The following LMX1B variants were observed in gnomAD, a reference collection of about 807,000 sequenced individuals.
The protein encoded by LMX1B is LIM homeobox transcription factor 1-beta.
In LMX1B, 12 loss-of-function variants were observed where a neutral mutation model predicts 51.4. The observed-to-expected ratio is 0.23, with a 90% CI of 0.15 to 0.38. The LOEUF (loss-of-function observed/expected upper bound fraction) is 0.38. Among genes scored for constraint, LMX1B ranks in the 10% least tolerant of loss-of-function variants. The pLI is 1.00. For synonymous variants in LMX1B, 237 were observed against 235.4 expected (o/e 1.01, Z -0.06); for missense variants, 445 against 571.1 (o/e 0.78, Z 2.25).
Position 126,641,746 on chromosome 9 carries a change from A to T in LMX1B, c.326+26177A>T, listed in dbSNP as rs937319875. Among the ~76,000 whole-genome samples, 1 of 152,028 alleles carries T rather than the reference A, an allele frequency of 6.6e-6. No homozygotes were observed. Among genetic ancestry groups the T allele is most frequent in the Admixed American group, 6.5e-5 (1 of 15,272 alleles). On this transcript the variant is annotated intron_variant, in intron 2 of 7. Transcript: ENST00000373474. The surrounding 1 kb of genome is among the most constrained non-coding windows in gnomAD (Gnocchi z 4.1). ...CCTCCTCCTGGGGGATTCCAGTCTC[A>T]CCATCTCTCCCAGGTTTCTGCTGGA...
chr9:126,622,427 T>C (rs946382311), intron 2 of LMX1B, among the ~76,000 whole-genome samples: 1 of 152,046 alleles, frequency 6.6e-6, no homozygotes, highest in Non-Finnish European at 1.5e-5. Flanking sequence ...CTGGCAGGAA[T>C]GAGGAGGCCA....
At chr9:126,694,130 G>C (rs2030246713) in intron 6 of LMX1B, among the ~76,000 whole-genome samples, 1 of 152,170 alleles carries the variant, frequency 6.6e-6, no homozygotes, top group East Asian at 1.9e-4. Flanking sequence ...GCTGCCTGGA[G>C]GGTTGGCAGA....
rs116680838 is a variant in LMX1B, at chr9:126,663,597, G to A, written c.327-27239G>A. On this transcript the variant is annotated intron_variant, in intron 2 of 7. Transcript: ENST00000373474. Reference sequence around the variant, plus strand: ...ATAGTAACCCTTGTCTCTAAAATGAGATAAACACATACGATGTTTGGAGTA... The same window carrying A: ...ATAGTAACCCTTGTCTCTAAAATGAAATAAACACATACGATGTTTGGAGTA... Among the ~76,000 whole-genome samples, 381 of 152,322 alleles carry A rather than the reference G, an allele frequency of 2.5e-3. 1 individual carries two copies. Among genetic ancestry groups the A allele is most frequent in the African/African-American group, 8.9e-3 (370 of 41,562 alleles).
In LMX1B at chr9:126,618,062, C is replaced by A. The variant is rs1470206997; in HGVS notation, c.326+2493C>A. 6.6e-6 allele frequency among the ~76,000 whole-genome samples: 1 copy of A among 151,944 alleles called. No homozygotes were observed. The highest frequency in any genetic ancestry group is 1.5e-5 in the Non-Finnish European group (1 of 67,966). ...TTTTTTTATTCACATTTCTTTTTTT[C>A]TTTGAGAATTGCAGATGCATATTTA... On this transcript the variant is annotated intron_variant, in intron 2 of 7. Coordinates refer to ENST00000373474, the MANE Select transcript of LMX1B (RefSeq NM_001174147.2). This position sits in a 1 kb window ranked among gnomAD's most constrained non-coding sequence, Gnocchi z 4.5.
intron 2 of LMX1B, among the ~76,000 whole-genome samples, chr9:126,647,365 C>T (rs1835921476): frequency 6.6e-6 from 1 of 152,224 alleles, no homozygotes; most frequent in South Asian, 2.1e-4. Flanking sequence ...GACACATTTA[C>T]ATTCTGTTCT....
chr9:126,693,005 C>T (rs1273529270), intron 3 of LMX1B, 137 bp from the exon 4 acceptor site: 5 of 884,220 alleles, frequency 5.7e-6, no homozygotes, highest in Non-Finnish European at 8.6e-6. Flanking sequence ...AGATCTTATC[C>T]TGGGCCACTG....
At chr9:126,620,655 CG>C (rs1835393896) in intron 2 of LMX1B, among the ~76,000 whole-genome samples, 1 of 151,908 alleles carries the variant, frequency 6.6e-6, no homozygotes, top group African/African-American at 2.4e-5. Flanking sequence ...GGAGGGTGGC[CG>C]GGTGTCCTGT....
intron 2 of LMX1B, among the ~76,000 whole-genome samples, chr9:126,661,610 G>A (rs779947283): frequency 2.6e-5 from 4 of 152,170 alleles, no homozygotes; most frequent in Non-Finnish European, 5.9e-5. Context: ...AACTGCCCCA[G>A]CTCAGCTGGG....
chr9:126,614,261 G>A lies in LMX1B; in HGVS notation c.-189G>A, dbSNP rs1245608289. Reference sequence around the variant, plus strand: ...GCGCGGCGCGGGCTGCAGCCGCCCCGGCCCGCCCGCACGACGCCGGGGCCC... The same window carrying A: ...GCGCGGCGCGGGCTGCAGCCGCCCCAGCCCGCCCGCACGACGCCGGGGCCC... On this transcript the variant is annotated 5_prime_UTR_variant, in exon 1 of 8. Coordinates refer to ENST00000373474, the MANE Select transcript of LMX1B (RefSeq NM_001174147.2). 6.9e-6 allele frequency among the ~76,000 whole-genome samples: 1 copy of A among 145,878 alleles called. No homozygotes were observed. The highest frequency in any genetic ancestry group is 2.5e-5 in the African/African-American group (1 of 40,694).
intron 2 of LMX1B, among the ~76,000 whole-genome samples, chr9:126,646,023 C>T (rs904372175): frequency 1.2e-4 from 19 of 152,146 alleles, no homozygotes; most frequent in South Asian, 2.1e-4. Context: ...AGAAATACTT[C>T]CTGAGCCGAT....
chr9:126,651,784 G>A (rs1484391372), intron 2 of LMX1B, among the ~76,000 whole-genome samples: 1 of 152,120 alleles, frequency 6.6e-6, no homozygotes, highest in African/African-American at 2.4e-5. Flanking sequence ...CTGAGATGAG[G>A]ATCCCACAGA....
intron 2 of LMX1B, among the ~76,000 whole-genome samples, chr9:126,629,244 G>A (rs1835590513): frequency 1.3e-5 from 2 of 152,160 alleles, no homozygotes; most frequent in Non-Finnish European, 1.5e-5. Flanking sequence ...AAGTTTGTGA[G>A]CCGCAGAAGG....
Position 126,673,458 on chromosome 9 carries a change from G to A in LMX1B, c.327-17378G>A, listed in dbSNP as rs945134233. Among the ~76,000 whole-genome samples the A allele has an allele frequency of 3.3e-5, 5 of 152,148 alleles. No individual in the cohort carries two copies. Among genetic ancestry groups the A allele is most frequent in the Non-Finnish European group, 7.3e-5 (5 of 68,030 alleles). ...AGCTCAGGGACCAGTGTAGAAAGAG[G>A]CTAACCCAGGGCTCCCTCAGGTAGG... On this transcript the variant is annotated intron_variant, in intron 2 of 7. Coordinates refer to ENST00000373474, the MANE Select transcript of LMX1B (RefSeq NM_001174147.2). The surrounding 1 kb of genome is among the most constrained non-coding windows in gnomAD (Gnocchi z 4.4).
chr9:126,686,279 C>CAAAAA (rs5900718), intron 2 of LMX1B, among the ~76,000 whole-genome samples: 41 of 93,866 alleles, frequency 4.4e-4, no homozygotes, highest in African/African-American at 1.6e-3. Context: ...GACTCCATCT[C>CAAAAA]AAAAAAAAAA....
At chr9:126,614,673 G>A (rs984568982) in intron 1 of LMX1B, 85 bp downstream of exon 1, 4 of 1,359,774 alleles carry the variant, frequency 2.9e-6, no homozygotes, top group Admixed American at 5.3e-5. Context: ...TGGGGCCAAC[G>A]GATAAAGGAA....
At chr9:126,640,254 G>A (rs1423329680) in intron 2 of LMX1B, among the ~76,000 whole-genome samples, 1 of 152,160 alleles carries the variant, frequency 6.6e-6, no homozygotes, top group Admixed American at 6.5e-5. Flanking sequence ...GGGGGTGCTG[G>A]TGGTGGTACC....
At chr9:126,689,288 G>T (rs1423655708) in intron 2 of LMX1B, among the ~76,000 whole-genome samples, 1 of 152,188 alleles carries the variant, frequency 6.6e-6, no homozygotes, top group Non-Finnish European at 1.5e-5. Flanking sequence ...CCACCAGCTC[G>T]CCGTGGGCGG....
intron 2 of LMX1B, among the ~76,000 whole-genome samples, chr9:126,616,192 A>G (rs570332526): frequency 6.6e-6 from 1 of 152,350 alleles, no homozygotes; most frequent in East Asian, 1.9e-4. Context: ...AGAGGATCTC[A>G]AAAGGTGGCA....
chr9:126,693,288 G>A lies in LMX1B; in HGVS notation c.706G>A (p.Ala236Thr). The change falls in exon 4 of 8, where the codon GCC (alanine) becomes ACC (threonine). Residue 236 changes from alanine to threonine, a missense_variant. Around this residue, in one of 3 missense-constraint regions of LMX1B, gnomAD observed 273 missense variants for 343.3 expected, o/e 0.80. Transcript: ENST00000373474. ...LTTQQRRAFK[A>T]SFEVSSKPCR... Reference sequence around the variant, plus strand: ...CACGCAGCAGCGAAGAGCCTTCAAGGCCTCCTTCGAGGTCTCGTCGAAGCC... The same window carrying A: ...CACGCAGCAGCGAAGAGCCTTCAAGACCTCCTTCGAGGTCTCGTCGAAGCC... 6.2e-7 allele frequency: 1 copy of A among 1,609,664 alleles called. No individual in the cohort carries two copies. Among genetic ancestry groups the A allele is most frequent in the Non-Finnish European group, 8.5e-7 (1 of 1,178,470 alleles).
Sources: gnomAD v4.1 joint callset for allele counts (sites outside exome capture counted in the v4.1 genomes callset) on GRCh38, gnomAD v4.1.1 for gene constraint, gnomAD v4.1.1 regional missense constraint, Gnocchi (gnomAD v3.1) non-coding constraint, MANE v1.5 for transcripts, NCBI Gene and HGNC (gene_info 2026-07-23, HGNC 2026-07-21) for gene names.